The following DOK6 variants were observed in gnomAD, a reference collection of about 807,000 sequenced individuals.
DOK6 encodes downstream of tyrosine kinase 6.
DOK6 carries 22 observed loss-of-function variants against 44.0 expected under a neutral mutation model. The ratio of observed to expected loss-of-function variants is 0.50; its 90% confidence interval spans 0.36 to 0.71. The LOEUF (loss-of-function observed/expected upper bound fraction) is 0.71, where lower values mean the gene tolerates loss of function less well. Among genes scored for constraint, DOK6 ranks in the 30% least tolerant of loss-of-function variants. The probability of loss-of-function intolerance (pLI) is 0.00; values close to 1 mark genes in which losing one functional copy is unlikely to be tolerated. For missense variants in DOK6, 340 were observed against 416.4 expected (o/e 0.82, Z 1.60); for synonymous variants, 166 against 145.5 (o/e 1.14, Z -1.01).
At chr18:69,754,231 G>A (rs927026664) in intron 6 of DOK6, among the ~76,000 whole-genome samples, 3 of 151,586 alleles carry the variant, frequency 2.0e-5, no homozygotes, top group Non-Finnish European at 4.4e-5. Flanking sequence ...TTTTACACCT[G>A]TAATCCAGGC....
At chr18:69,554,296 A>G (rs779720644) in intron 1 of DOK6, among the ~76,000 whole-genome samples, 2 of 152,192 alleles carry the variant, frequency 1.3e-5, no homozygotes, top group Non-Finnish European at 2.9e-5. Flanking sequence ...AGGACCTCCC[A>G]CTAAATGAAC....
intron 3 of DOK6, among the ~76,000 whole-genome samples, chr18:69,677,273 T>A (rs960336949): frequency 5.3e-5 from 8 of 151,544 alleles, no homozygotes; most frequent in African/African-American, 1.7e-4. Flanking sequence ...ATTTTATATT[T>A]ACTTAATTTA....
rs746860262 is a variant in DOK6 at position 69,698,270 on chromosome 18, A to G, written c.410-134A>G. 2.0e-5 allele frequency: 14 copies of G among 707,598 alleles called. 1 individual carries two copies. In the South Asian group the frequency reaches 3.0e-4, roughly 15 times the overall value. The allele number at this position is 707,598 out of a possible 1,614,324, so 43.8% of individuals were successfully genotyped here. ...ATTTTGAAATATGTCATGTTCTACA[A>G]TGTTTATCCATATCACCTAGGGAGG... is the stretch of plus-strand genomic sequence containing the variant. On this transcript the variant is annotated intron_variant, in intron 4 of 7. Coordinates refer to ENST00000382713, the MANE Select transcript of DOK6 (RefSeq NM_152721.6).
intron 1 of DOK6, among the ~76,000 whole-genome samples, chr18:69,501,525 T>G (rs1231290778): frequency 2.6e-5 from 4 of 152,162 alleles, no homozygotes; most frequent in Non-Finnish European, 5.9e-5. Context: ...TACTGAGAGT[T>G]TCTGCTCTTG....
chr18:69,833,274 T>C (rs543713961), intron 7 of DOK6, among the ~76,000 whole-genome samples: 4 of 152,312 alleles, frequency 2.6e-5, no homozygotes, highest in East Asian at 1.9e-4. Context: ...TACAGCCAAC[T>C]CATTTTTAAC....
intron 7 of DOK6, among the ~76,000 whole-genome samples, chr18:69,782,501 G>A (rs576224619): frequency 4.0e-5 from 6 of 150,446 alleles, no homozygotes; most frequent in Non-Finnish European, 8.9e-5. Context: ...GTGAGCCACC[G>A]CACTCGGCCG....
chr18:69,564,920 T>C (rs1325939307), intron 2 of DOK6, among the ~76,000 whole-genome samples: 3 of 152,206 alleles, frequency 2.0e-5, no homozygotes, highest in African/African-American at 7.2e-5. Flanking sequence ...TGGCGTAAAC[T>C]GTGAACAATA....
At chr18:69,809,584 ACAC>A (rs1388279018) in intron 7 of DOK6, among the ~76,000 whole-genome samples, 5 of 151,118 alleles carry the variant, frequency 3.3e-5, no homozygotes, top group Non-Finnish European at 7.4e-5. Context: ...ACACACACAC[ACAC>A]ACACACACAA....
chr18:69,606,149 G>A (rs759721471), intron 3 of DOK6, among the ~76,000 whole-genome samples: 9 of 151,854 alleles, frequency 5.9e-5, no homozygotes, highest in South Asian at 4.2e-4. Context: ...GTGCATGCCC[G>A]TAGTCCCAGC....
chr18:69,674,686 ACAT>A (rs1985881870), intron 3 of DOK6, among the ~76,000 whole-genome samples: 1 of 151,848 alleles, frequency 6.6e-6, no homozygotes, highest in African/African-American at 2.4e-5. Flanking sequence ...ACTAACACAC[ACAT>A]CATCATTTTC....
chr18:69,714,990 AAT>A (rs1393339139), intron 5 of DOK6, among the ~76,000 whole-genome samples: 5 of 152,202 alleles, frequency 3.3e-5, no homozygotes, highest in African/African-American at 1.2e-4. Flanking sequence ...TAATAAATAC[AAT>A]ATGAGACACT....
chr18:69,769,659 C>T (rs1412278804), intron 7 of DOK6, among the ~76,000 whole-genome samples: 1 of 152,066 alleles, frequency 6.6e-6, no homozygotes, highest in African/African-American at 2.4e-5. Flanking sequence ...TTGAGGATAT[C>T]TCTACATTAA....
At chr18:69,414,721 C>T (rs1208045403) in intron 1 of DOK6, among the ~76,000 whole-genome samples, 1 of 151,896 alleles carries the variant, frequency 6.6e-6, no homozygotes, top group Non-Finnish European at 1.5e-5. Context: ...CAAGAAGTTA[C>T]TATGGGGAAA....
intron 1 of DOK6, among the ~76,000 whole-genome samples, chr18:69,521,394 G>T (rs1419426928): frequency 2.6e-5 from 4 of 151,138 alleles, no homozygotes; most frequent in African/African-American, 9.7e-5. Flanking sequence ...TTTAACCAAA[G>T]TGTTTTTTTA....
chr18:69,628,330 A>G (rs1984607179), intron 3 of DOK6, among the ~76,000 whole-genome samples: 2 of 152,272 alleles, frequency 1.3e-5, no homozygotes, highest in East Asian at 3.9e-4. Flanking sequence ...ATGTTTACTA[A>G]AATATAAAAC....
chr18:69,593,693 T>C (rs562185769), intron 2 of DOK6, among the ~76,000 whole-genome samples: 107 of 152,338 alleles, frequency 7.0e-4, no homozygotes, highest in Middle Eastern at 3.4e-3. Flanking sequence ...TCCATTAGCT[T>C]ATTTTGTCAA....
At chr18:69,771,200 A>C (rs1979877506) in intron 7 of DOK6, among the ~76,000 whole-genome samples, 1 of 152,084 alleles carries the variant, frequency 6.6e-6, no homozygotes, top group Non-Finnish European at 1.5e-5. Flanking sequence ...CATCACTACC[A>C]TATATTAACA....
chr18:69,582,402 G>A (rs1983391416), intron 2 of DOK6, among the ~76,000 whole-genome samples: 1 of 152,148 alleles, frequency 6.6e-6, no homozygotes, highest in Non-Finnish European at 1.5e-5. Flanking sequence ...AAACATGATT[G>A]GCAGTTAACT....
At chr18:69,509,488 A>T (rs1347077763) in intron 1 of DOK6, among the ~76,000 whole-genome samples, 1 of 151,958 alleles carries the variant, frequency 6.6e-6, no homozygotes, top group Non-Finnish European at 1.5e-5. Flanking sequence ...AATAGAAAAA[A>T]TTAGCCGGGC....
Sources: allele counts gnomAD v4.1 joint callset (sites outside exome capture counted in the v4.1 genomes callset), GRCh38; gene constraint gnomAD v4.1.1; transcripts MANE v1.5; gene names NCBI Gene and HGNC (gene_info 2026-07-23, HGNC 2026-07-21).